BLTP3B: variants seen among roughly 807,000 people sequenced by gnomAD.
BLTP3B encodes bridge-like lipid transfer protein family member 3B.
the BLTP3B span, chr12:100,050,973 C>G: frequency 6.8e-7 from 1 of 1,462,784 alleles, no homozygotes; most frequent in African/African-American, 1.4e-5. Flanking sequence ...TGCCCACCAT[C>G]TAAGAATTCA....
the BLTP3B span, among the ~76,000 whole-genome samples, chr12:100,077,085 T>C: frequency 6.6e-6 from 1 of 152,202 alleles, no homozygotes; most frequent in Non-Finnish European, 1.5e-5. Flanking sequence ...CTGGAGCATA[T>C]GGTCATGCAC....
At chr12:100,135,172 T>G in the BLTP3B span, among the ~76,000 whole-genome samples, 3 of 152,340 alleles carry the variant, frequency 2.0e-5, no homozygotes, top group Admixed American at 2.0e-4. Context: ...GTGGTCTTCG[T>G]ATGTTTTCAA....
chr12:100,057,809 T>G, the BLTP3B span: 7 of 1,450,326 alleles, frequency 4.8e-6, no homozygotes, highest in Non-Finnish European at 6.5e-6. Flanking sequence ...TAAAAAATAC[T>G]TCTAAGAGAA....
the BLTP3B span, chr12:100,048,162 G>C: frequency 1.1e-5 from 18 of 1,601,346 alleles, no homozygotes; most frequent in Non-Finnish European, 1.5e-5. Context: ...TCTCAGGAGA[G>C]GATTTGGAAT....
chr12:100,047,720 A>G, the BLTP3B span: 27 of 1,169,964 alleles, frequency 2.3e-5, no homozygotes, highest in Non-Finnish European at 3.3e-5. Context: ...ATGTATCTTT[A>G]TATGTTTCAG....
chr12:100,124,934 TTTTATA>T, the BLTP3B span, among the ~76,000 whole-genome samples: 9 of 36,996 alleles, frequency 2.4e-4, no homozygotes, highest in African/African-American at 6.6e-4. Flanking sequence ...AAAAAAAAAA[TTTTATA>T]TATATATATA....
the BLTP3B span, among the ~76,000 whole-genome samples, chr12:100,067,504 T>C: frequency 0.023 from 3,442 of 152,096 alleles, 68 homozygotes; most frequent in Non-Finnish European, 0.034. Context: ...AAACAGGAGA[T>C]ACTACAACTG....
At chr12:100,082,271 C>T in the BLTP3B span, among the ~76,000 whole-genome samples, 5 of 152,112 alleles carry the variant, frequency 3.3e-5, no homozygotes, top group South Asian at 2.1e-4. Flanking sequence ...TTTTGCTTGT[C>T]GATTCAATTT....
the BLTP3B span, among the ~76,000 whole-genome samples, chr12:100,077,676 T>C: frequency 2.6e-5 from 4 of 152,154 alleles, no homozygotes; most frequent in Non-Finnish European, 5.9e-5. Flanking sequence ...ATAAAAACTT[T>C]TCACATAAAA....
chr12:100,127,082 T>C, the BLTP3B span, among the ~76,000 whole-genome samples: 3 of 150,902 alleles, frequency 2.0e-5, no homozygotes, highest in African/African-American at 7.3e-5. Context: ...AAAAAAGATA[T>C]GTTTTAAGGA....
the BLTP3B span, chr12:100,097,409 A>G: frequency 1.9e-6 from 3 of 1,613,422 alleles, no homozygotes; most frequent in South Asian, 2.2e-5. Context: ...TTGGTTATTA[A>G]TCGAACAGGA....
chr12:100,133,336 G>C, the BLTP3B span, among the ~76,000 whole-genome samples: 1 of 152,156 alleles, frequency 6.6e-6, no homozygotes, highest in South Asian at 2.1e-4. Flanking sequence ...AATGGCCTGA[G>C]ACATCCCCCA....
the BLTP3B span, chr12:100,037,820 A>G: frequency 1.4e-6 from 2 of 1,410,848 alleles, no homozygotes; most frequent in African/African-American, 1.5e-5. Context: ...GACTATTTAT[A>G]TAGTATCCAA....
At chr12:100,136,039 C>T in the BLTP3B span, among the ~76,000 whole-genome samples, 2 of 151,876 alleles carry the variant, frequency 1.3e-5, no homozygotes, top group Non-Finnish European at 2.9e-5. Flanking sequence ...GGTGAAACCC[C>T]GTCTCTACTA....
At chr12:100,075,467 A>G in the BLTP3B span, among the ~76,000 whole-genome samples, 1 of 152,348 alleles carries the variant, frequency 6.6e-6, no homozygotes, top group African/African-American at 2.4e-5. Flanking sequence ...GGCAATCACA[A>G]CAAAAACAAA....
the BLTP3B span, chr12:100,102,712 T>C: frequency 8.5e-7 from 1 of 1,177,564 alleles, no homozygotes; most frequent in South Asian, 1.4e-5. Flanking sequence ...TTTTTTTTTT[T>C]TTTTTTTAAT....
the BLTP3B span, among the ~76,000 whole-genome samples, chr12:100,073,388 C>CG: frequency 1.4e-5 from 2 of 143,044 alleles, no homozygotes; most frequent in Non-Finnish European, 3.0e-5. Flanking sequence ...TTGGTAGAGA[C>CG]GGGGTTTCGC....
the BLTP3B span, among the ~76,000 whole-genome samples, chr12:100,076,365 C>A: frequency 2.1e-5 from 3 of 141,632 alleles, no homozygotes; most frequent in African/African-American, 7.8e-5. Flanking sequence ...TACGTTTCCT[C>A]TTATATAAAC....
the BLTP3B span, among the ~76,000 whole-genome samples, chr12:100,068,890 T>C: frequency 1.2e-4 from 19 of 152,154 alleles, no homozygotes; most frequent in Admixed American, 1.2e-3. Context: ...ACACCGCTGG[T>C]GGGAATATAA....
Sources: allele counts gnomAD v4.1 joint callset (sites outside exome capture counted in the v4.1 genomes callset), GRCh38; gene constraint gnomAD v4.1.1; transcripts MANE v1.5; gene names NCBI Gene and HGNC (gene_info 2026-07-23, HGNC 2026-07-21).